The following SFMBT1 variants were observed in gnomAD, a reference collection of about 807,000 sequenced individuals.
SFMBT1 encodes the protein scm-like with four MBT domains protein 1.
SFMBT1 carries 32 observed loss-of-function variants against 108.7 expected under a neutral mutation model. The ratio of observed to expected loss-of-function variants is 0.29; its 90% confidence interval spans 0.22 to 0.40. SFMBT1 has a LOEUF of 0.40. Among genes scored for constraint, SFMBT1 ranks in the 10% least tolerant of loss-of-function variants. SFMBT1 has a pLI of 1.00. For synonymous variants in SFMBT1, 348 were observed against 369.5 expected (o/e 0.94, Z 0.67); for missense variants, 816 against 1,059.6 (o/e 0.77, Z 3.19).
chr3:52,935,447 G>C (rs1316088924), intron 4 of SFMBT1, among the ~76,000 whole-genome samples: 2 of 152,180 alleles, frequency 1.3e-5, no homozygotes, highest in Non-Finnish European at 2.9e-5. Context: ...GACAGAGATT[G>C]TATGACTAGT....
chr3:53,013,040 C>T (rs993999321), intron 1 of SFMBT1, among the ~76,000 whole-genome samples: 4 of 151,576 alleles, frequency 2.6e-5, no homozygotes, highest in Non-Finnish European at 5.9e-5. Flanking sequence ...TTTCCCAAAC[C>T]GTAAACCATA....
chr3:53,043,069 C>T (rs1240168199), intron 1 of SFMBT1: 2 of 152,236 alleles, frequency 1.3e-5, no homozygotes, highest in Non-Finnish European at 1.5e-5. Context: ...ACTTTTATCA[C>T]ACAGATATCT....
At chr3:52,958,114 G>GA (rs1273822501) in intron 2 of SFMBT1, among the ~76,000 whole-genome samples, 3 of 151,922 alleles carry the variant, frequency 2.0e-5, no homozygotes, top group African/African-American at 4.8e-5. Flanking sequence ...AAATTTACAA[G>GA]AAAAAACCCA....
At chr3:53,001,851 G>A (rs1259679800) in intron 1 of SFMBT1, among the ~76,000 whole-genome samples, 1 of 147,544 alleles carries the variant, frequency 6.8e-6, no homozygotes, top group Non-Finnish European at 1.5e-5. Context: ...TGTAGGCCCA[G>A]GAGGTCAAGG....
At chr3:52,918,091 T>A (rs527542328) in intron 13 of SFMBT1, among the ~76,000 whole-genome samples, 1 of 152,338 alleles carries the variant, frequency 6.6e-6, no homozygotes, top group East Asian at 1.9e-4. Flanking sequence ...ACAAAGCCAC[T>A]CCTTTGAATG....
At chr3:53,040,912 T>C (rs1346983918) in intron 1 of SFMBT1, among the ~76,000 whole-genome samples, 1 of 148,014 alleles carries the variant, frequency 6.8e-6, no homozygotes, top group Non-Finnish European at 1.5e-5. Context: ...TCAAGAGATA[T>C]ACCTGCCTCA....
chr3:52,949,568 C>CTTTT lies in SFMBT1; in HGVS notation c.123+4745_123+4748dup, dbSNP rs59842273. 3.0e-4 allele frequency among the ~76,000 whole-genome samples: 23 copies of CTTTT among 77,416 alleles called. 1 individual carries two copies. Among genetic ancestry groups the CTTTT allele is most frequent in the East Asian group, 6.6e-4 (2 of 3,036 alleles). 50.8% of individuals were successfully genotyped at this position (77,416 alleles called of 152,430 possible). A position where few individuals can be genotyped will look rare whatever the true frequency, so the allele number is the denominator to read the frequency against. On this transcript the variant is annotated intron_variant, in intron 3 of 20. Transcript: ENST00000394752. ...CCCTTTATTATTATGTAATGTCCTT[C>CTTTT]TTTTTTTTTTTTTTTTTTTTTTTTT...
intron 3 of SFMBT1, among the ~76,000 whole-genome samples, chr3:52,946,000 C>T (rs1171424700): frequency 6.6e-6 from 1 of 152,098 alleles, no homozygotes; most frequent in Admixed American, 6.6e-5. Context: ...CGTAACTAAC[C>T]AATCAAAGTT....
At chr3:52,962,274 G>A (rs1703984210) in intron 2 of SFMBT1, among the ~76,000 whole-genome samples, 2 of 152,150 alleles carry the variant, frequency 1.3e-5, no homozygotes, top group African/African-American at 4.8e-5. Context: ...AATACAAAAA[G>A]ACATTTGTAC....
At chr3:52,935,492 G>T (rs1702978943) in intron 4 of SFMBT1, among the ~76,000 whole-genome samples, 1 of 152,188 alleles carries the variant, frequency 6.6e-6, no homozygotes, top group Non-Finnish European at 1.5e-5. Context: ...GCCCTTTACA[G>T]ATAATTTGCC....
chr3:52,948,984 TTA>T (rs1288064903), intron 3 of SFMBT1, among the ~76,000 whole-genome samples: 2 of 151,892 alleles, frequency 1.3e-5, no homozygotes, highest in Non-Finnish European at 2.9e-5. Context: ...TTTTTTACAT[TTA>T]ATCCTAGACA....
At position 52,998,186 on chromosome 3, in the gene SFMBT1, C is replaced by T. The variant is rs577466686; in HGVS notation, c.-130-28928G>A. 7.3e-5 allele frequency among the ~76,000 whole-genome samples: 11 copies of T among 149,896 alleles called. 1 individual carries two copies. The highest frequency in any genetic ancestry group is 2.1e-4 in the South Asian group (1 of 4,722). ...ATCCCAGCACTTTGGGAGGCCAAGA[C>T]GGGCAGATCACGAGGCCAACACGGA... On this transcript the variant is annotated intron_variant, in intron 1 of 20. Transcript: ENST00000394752.
chr3:53,019,727 A>C (rs1699241091), intron 1 of SFMBT1, among the ~76,000 whole-genome samples: 1 of 152,194 alleles, frequency 6.6e-6, no homozygotes, highest in South Asian at 2.1e-4. Flanking sequence ...AGCGACCTCC[A>C]AACTGTCTCC....
intron 1 of SFMBT1, among the ~76,000 whole-genome samples, chr3:53,037,448 C>T (rs1252163877): frequency 6.6e-6 from 1 of 151,970 alleles, no homozygotes; most frequent in African/African-American, 2.4e-5. Flanking sequence ...TTCATATTAA[C>T]GATAAAGAAA....
intron 3 of SFMBT1, among the ~76,000 whole-genome samples, chr3:52,946,315 G>A (rs1316225207): frequency 6.6e-6 from 1 of 152,246 alleles, no homozygotes; most frequent in Non-Finnish European, 1.5e-5. Flanking sequence ...CAGCCAGAGA[G>A]GGAAAGTCCC....
intron 3 of SFMBT1, among the ~76,000 whole-genome samples, chr3:52,949,335 G>A (rs1483579137): frequency 6.6e-6 from 1 of 152,078 alleles, no homozygotes; most frequent in South Asian, 2.1e-4. Context: ...TTGATTGATG[G>A]TATTGCAGAG....
intron 3 of SFMBT1, among the ~76,000 whole-genome samples, chr3:52,947,816 C>A (rs1295646152): frequency 6.6e-6 from 1 of 151,846 alleles, no homozygotes; most frequent in Non-Finnish European, 1.5e-5. Context: ...CTCACTGCAA[C>A]CTCTGCCTCC....
intron 10 of SFMBT1, among the ~76,000 whole-genome samples, chr3:52,923,834 A>T (rs937655571): frequency 2.6e-5 from 4 of 152,044 alleles, no homozygotes; most frequent in Non-Finnish European, 4.4e-5. Flanking sequence ...GAAGTGATTT[A>T]AAAAAAATTT....
chr3:52,932,084 TC>T lies in SFMBT1; in HGVS notation c.677del (p.Gly226AspfsTer13). ...LHHVGWAAQQ[G>X]YELQPPSAIR... is the part of the protein sequence containing the mutation. ...CACCTGAAGGGGGCTGAAGCTCATA[TC>T]CCTGTTGAGCAGCCCAACCAACGTG... On this transcript the variant is annotated frameshift_variant, in exon 6 of 21. Coordinates refer to ENST00000394752, the MANE Select transcript of SFMBT1 (RefSeq NM_016329.4). LOFTEE classifies it high-confidence loss of function. 1 of 1,614,034 alleles carries T rather than the reference TC, an allele frequency of 6.2e-7. No individual in the cohort carries two copies. The highest frequency in any genetic ancestry group is 8.5e-7 in the Non-Finnish European group (1 of 1,180,028).
Sources: allele counts gnomAD v4.1 joint callset (sites outside exome capture counted in the v4.1 genomes callset), GRCh38; gene constraint gnomAD v4.1.1; transcripts MANE v1.5; gene names NCBI Gene and HGNC (gene_info 2026-07-23, HGNC 2026-07-21).